Variants in TSPAN18 observed in about 807,000 individuals in gnomAD.
The protein encoded by TSPAN18 is tetraspanin-18.
A neutral mutation model predicts 27.3 loss-of-function variants in TSPAN18; 14 were observed. The observed-to-expected ratio is 0.51, with a 90% CI of 0.34 to 0.80. The LOEUF (loss-of-function observed/expected upper bound fraction) is 0.80, where lower values mean the gene tolerates loss of function less well. Ranked by LOEUF, TSPAN18 falls within the 30% of genes least tolerant of loss-of-function variation. The pLI is 0.01. For missense variants in TSPAN18, 268 were observed against 323.9 expected (o/e 0.83, Z 1.32); for synonymous variants, 143 against 136.5 (o/e 1.05, Z -0.33).
chr11:44,854,657 T>C (rs1477831444), intron 2 of TSPAN18, among the ~76,000 whole-genome samples: 2 of 152,192 alleles, frequency 1.3e-5, no homozygotes, highest in African/African-American at 4.8e-5. Context: ...CCATTAGGAC[T>C]GGATTTAATA....
intron 8 of TSPAN18, 47 bp downstream of exon 8, chr11:44,920,046 G>A (rs1484519649): frequency 3.2e-6 from 5 of 1,575,754 alleles, no homozygotes; most frequent in Non-Finnish European, 2.6e-6. Context: ...ATCGGGATTT[G>A]GGTGGCCAGA....
intron 2 of TSPAN18, among the ~76,000 whole-genome samples, chr11:44,794,046 C>G: frequency 6.6e-6 from 1 of 152,312 alleles, no homozygotes. Context: ...GTCCATTAAT[C>G]CTTTAGCTCT....
At chr11:44,846,606 T>TGTGTGTG (rs576341145) in intron 2 of TSPAN18, among the ~76,000 whole-genome samples, 61,424 of 151,098 alleles carry the variant, frequency 0.41, 13,400 homozygotes, top group East Asian at 0.69. Context: ...GTGTGTGTGT[T>TGTGTGTG]TGTGTGTGTG....
chr11:44,898,212 C>A (rs1859134648), intron 3 of TSPAN18, among the ~76,000 whole-genome samples: 1 of 152,198 alleles, frequency 6.6e-6, no homozygotes, highest in Non-Finnish European at 1.5e-5. Context: ...ATGTGCTGTA[C>A]CCACAGGGCA....
chr11:44,838,766 G>A (rs1353190553), intron 2 of TSPAN18, among the ~76,000 whole-genome samples: 2 of 152,192 alleles, frequency 1.3e-5, no homozygotes, highest in Admixed American at 6.5e-5. Context: ...CAAAAGGAAC[G>A]TGACTCTGCA....
chr11:44,746,220 G>A (rs1373897256), intron 1 of TSPAN18, among the ~76,000 whole-genome samples: 1 of 152,152 alleles, frequency 6.6e-6, no homozygotes, highest in Non-Finnish European at 1.5e-5. Context: ...CAGAGTTCCT[G>A]TTGGGGTTTG....
chr11:44,901,314 G>A (rs1859255440), intron 3 of TSPAN18: 1 of 152,238 alleles, frequency 6.6e-6, no homozygotes, highest in South Asian at 2.1e-4. Flanking sequence ...GCCATGAGAT[G>A]TAATCTGCAA....
At chr11:44,925,153 T>C (rs1277488090) in intron 8 of TSPAN18, among the ~76,000 whole-genome samples, 2 of 152,220 alleles carry the variant, frequency 1.3e-5, no homozygotes, top group East Asian at 3.8e-4. Flanking sequence ...CCTTTTCTCC[T>C]TGTCATCTCT....
intron 3 of TSPAN18, among the ~76,000 whole-genome samples, chr11:44,882,912 C>G (rs1207505429): frequency 6.6e-6 from 1 of 152,214 alleles, no homozygotes; most frequent in East Asian, 1.9e-4. Context: ...TTGAGCCTGG[C>G]TTGAAGCCCC....
chr11:44,740,051 T>C lies in TSPAN18; in HGVS notation c.-240+12764T>C, dbSNP rs557814719. Among the ~76,000 whole-genome samples the C allele has an allele frequency of 1.8e-4, 27 of 152,348 alleles. No individual in the cohort carries two copies. The East Asian group carries it at 4.8e-3, about 27-fold the overall frequency. Reference sequence around the variant, plus strand: ...TCCTGATGTCCCACCAAATGGACAATCTGCAGAGACACCTATGGTAGGGTG... The same window carrying C: ...TCCTGATGTCCCACCAAATGGACAACCTGCAGAGACACCTATGGTAGGGTG... On this transcript the variant is annotated intron_variant, in intron 1 of 9. Coordinates refer to ENST00000520358, the MANE Select transcript of TSPAN18 (RefSeq NM_130783.5).
intron 3 of TSPAN18, among the ~76,000 whole-genome samples, chr11:44,896,771 T>C (rs1233453069): frequency 6.6e-6 from 1 of 151,946 alleles, no homozygotes; most frequent in Non-Finnish European, 1.5e-5. Flanking sequence ...CCTCCTTGTC[T>C]CCTCCACGCT....
chr11:44,776,189 A>G (rs1530927), intron 2 of TSPAN18, among the ~76,000 whole-genome samples: 10,369 of 152,156 alleles, frequency 0.068, 494 homozygotes, highest in African/African-American at 0.14. Flanking sequence ...TTCTCATTCT[A>G]TCTGCCCAGC....
At chr11:44,926,637 C>A (rs764864140) in intron 8 of TSPAN18, 37 bp from the exon 9 acceptor site, 1 of 1,596,956 alleles carries the variant, frequency 6.3e-7, no homozygotes, top group Admixed American at 1.7e-5. Context: ...GACTCTCAAC[C>A]CTGGCCATAG....
In TSPAN18 at chr11:44,772,146, A is replaced by G. The variant is rs150810357; in HGVS notation, c.-153+7634A>G. On this transcript the variant is annotated intron_variant, in intron 2 of 9. Transcript: ENST00000520358. ...AGATCCAGCTACATTGGGGAGGGCC[A>G]TTTGCTTTACTCAATCTACCTGTTT... Among the ~76,000 whole-genome samples, 416 of 152,270 alleles carry G rather than the reference A, an allele frequency of 2.7e-3. 3 individuals are homozygous for G. Among genetic ancestry groups the G allele is most frequent in the African/African-American group, 9.3e-3 (385 of 41,548 alleles).
chr11:44,742,722 C>T (rs1241458107), intron 1 of TSPAN18, among the ~76,000 whole-genome samples: 1 of 152,208 alleles, frequency 6.6e-6, no homozygotes, highest in African/African-American at 2.4e-5. Context: ...AGCCCCTGCC[C>T]CCAGCGTGCT....
chr11:44,888,724 C>T lies in TSPAN18; in HGVS notation c.-10-17683C>T, dbSNP rs538281508. ...AGTCCCCTCCCCTCTGGACAGTCTCCTGAGCTGTAGAATTGGGGTAACCTC... is the reference window on the plus strand; with the variant it reads ...AGTCCCCTCCCCTCTGGACAGTCTCTTGAGCTGTAGAATTGGGGTAACCTC... On this transcript the variant is annotated intron_variant, in intron 3 of 9. Transcript: ENST00000520358. 9.2e-5 allele frequency among the ~76,000 whole-genome samples: 14 copies of T among 152,282 alleles called. No homozygotes were observed. The South Asian group carries it at 1.7e-3, about 18-fold the overall frequency.
intron 1 of TSPAN18, among the ~76,000 whole-genome samples, chr11:44,747,058 T>C (rs1235672017): frequency 6.6e-6 from 1 of 152,248 alleles, no homozygotes; most frequent in African/African-American, 2.4e-5. Context: ...ACGGGGCCTT[T>C]CTCTGACTGG....
At chr11:44,807,527 C>CAGAAA (rs1565158576) in intron 2 of TSPAN18, among the ~76,000 whole-genome samples, 1 of 64,482 alleles carries the variant, frequency 1.6e-5, no homozygotes, top group Non-Finnish European at 2.7e-5. Context: ...AACTCCATCT[C>CAGAAA]AAAAAAAAAA....
At chr11:44,829,888 A>G (rs1196578654) in intron 2 of TSPAN18, among the ~76,000 whole-genome samples, 1 of 152,206 alleles carries the variant, frequency 6.6e-6, no homozygotes, top group Non-Finnish European at 1.5e-5. Context: ...CAGTGGTATC[A>G]TACTGTATGA....
Sources: allele counts gnomAD v4.1 joint callset (sites outside exome capture counted in the v4.1 genomes callset), GRCh38; gene constraint gnomAD v4.1.1; transcripts MANE v1.5; gene names NCBI Gene and HGNC (gene_info 2026-07-23, HGNC 2026-07-21).